ERC1: variants seen among roughly 807,000 people sequenced by gnomAD.
The protein encoded by ERC1 is ELKS/RAB6-interacting/CAST family member 1, also known as RAB6 interacting protein 2.
In ERC1, 56 loss-of-function variants were observed where a neutral mutation model predicts 132.0. That is an observed-to-expected ratio of 0.42 (90% CI 0.34 to 0.53). ERC1 has a LOEUF of 0.53. Ranked by LOEUF, ERC1 falls within the 20% of genes least tolerant of loss-of-function variation. The pLI, the probability that ERC1 is intolerant of heterozygous loss-of-function variation, is 0.03. For synonymous variants in ERC1, 478 were observed against 476.1 expected, an observed-to-expected ratio of 1.00 and a Z score of -0.05; for missense variants, 1,202 against 1,349.9, an observed-to-expected ratio of 0.89 and a Z score of 1.72.
At chr12:1,424,842 GATGA>G in intron 17 of ERC1, among the ~76,000 whole-genome samples, 1 of 73,904 alleles carries the variant, frequency 1.4e-5, no homozygotes, top group African/African-American at 5.7e-5. Flanking sequence ...TAGATAGATA[GATGA>G]TAGATAGATA....
chr12:1,350,500 A>G (rs2084903088), intron 15 of ERC1, among the ~76,000 whole-genome samples: 1 of 152,164 alleles, frequency 6.6e-6, no homozygotes, highest in African/African-American at 2.4e-5. Flanking sequence ...TTTATGCCAT[A>G]CCACAGTAGG....
intron 8 of ERC1, among the ~76,000 whole-genome samples, chr12:1,179,323 A>G (rs1954096747): frequency 6.6e-6 from 1 of 152,114 alleles, no homozygotes; most frequent in South Asian, 2.1e-4. Context: ...TATTTAAAGT[A>G]CAGAACTGGC....
Position 1,083,243 on chromosome 12 carries a change from G to A in ERC1, c.749G>A (p.Ser250Asn). The A allele has an allele frequency of 6.2e-7, 1 of 1,614,208 alleles. No individual in the cohort carries two copies. Among genetic ancestry groups the A allele is most frequent in the Non-Finnish European group, 8.5e-7 (1 of 1,180,020 alleles). ...RDLNQLFQQD[S>N]SSRTGEPCVA... ...CTGAATCAGCTGTTTCAGCAGGATA[G>A]TAGCAGCAGGACTGGCGAACCTTGT... The change falls in exon 3 of 19, where the codon AGT becomes AAT. Residue 250 changes from serine (S) to asparagine (N), a missense_variant. Transcript: ENST00000360905.
chr12:1,316,879 G>T (rs979589814), intron 15 of ERC1, among the ~76,000 whole-genome samples: 40 of 152,216 alleles, frequency 2.6e-4, no homozygotes, highest in Non-Finnish European at 5.4e-4. Context: ...GTGGCACGTG[G>T]CCAGGCATGG....
intron 1 of ERC1, among the ~76,000 whole-genome samples, chr12:1,027,020 C>G (rs999403974): frequency 6.6e-6 from 1 of 152,162 alleles, no homozygotes; most frequent in Non-Finnish European, 1.5e-5. Flanking sequence ...GTCTTCTCAT[C>G]CATGAACACA....
chr12:1,216,154 A>G (rs7972497), intron 12 of ERC1, among the ~76,000 whole-genome samples: 4,407 of 152,176 alleles, frequency 0.029, 217 homozygotes, highest in African/African-American at 0.1. Context: ...TCCTTTAATA[A>G]TGAAATCAGA....
chr12:1,155,568 C>T (rs1593789362), intron 8 of ERC1, among the ~76,000 whole-genome samples: 1 of 152,088 alleles, frequency 6.6e-6, no homozygotes, highest in African/African-American at 2.4e-5. Context: ...CTCCACCTCC[C>T]TGGGTTCACA....
rs189356617 is a variant in ERC1 at position 1,084,822 on chromosome 12, G to A, written c.1086+1242G>A. Reference sequence around the variant, plus strand: ...GCCTTCTGCCTTAGCCTCCCTAGTAGGTAGGTCTACAGGTGCATGCCACCA... The same window carrying A: ...GCCTTCTGCCTTAGCCTCCCTAGTAAGTAGGTCTACAGGTGCATGCCACCA... On this transcript the variant is annotated intron_variant, in intron 3 of 18. Coordinates refer to ENST00000360905, the MANE Select transcript of ERC1 (RefSeq NM_178040.4). 3.3e-5 allele frequency among the ~76,000 whole-genome samples: 5 copies of A among 151,970 alleles called. No individual in the cohort carries two copies. The East Asian group carries it at 9.7e-4, about 29-fold the overall frequency.
intron 14 of ERC1, among the ~76,000 whole-genome samples, chr12:1,271,195 T>C (rs186356504): frequency 6.6e-6 from 1 of 152,340 alleles, no homozygotes; most frequent in African/African-American, 2.4e-5. Context: ...TAAACTCTTT[T>C]AGGAGGTATA....
At chr12:1,461,528 CGTG>C (rs1316264363) in intron 18 of ERC1, among the ~76,000 whole-genome samples, 1 of 151,960 alleles carries the variant, frequency 6.6e-6, no homozygotes, top group Non-Finnish European at 1.5e-5. Flanking sequence ...ATTAACCTGG[CGTG>C]GTGGTGGGCA....
intron 3 of ERC1, among the ~76,000 whole-genome samples, chr12:1,101,466 C>T (rs911189702): frequency 6.6e-6 from 1 of 152,216 alleles, no homozygotes; most frequent in Non-Finnish European, 1.5e-5. Context: ...TAGCTGCTGC[C>T]TCTGCCACCC....
At chr12:1,156,290 G>A (rs1210096577) in intron 8 of ERC1, among the ~76,000 whole-genome samples, 2 of 151,864 alleles carry the variant, frequency 1.3e-5, no homozygotes, top group Non-Finnish European at 2.9e-5. Context: ...CCAGGCTGGA[G>A]TGCAGTGGTG....
At chr12:1,012,278 T>C (rs1432118164) in intron 1 of ERC1, among the ~76,000 whole-genome samples, 4 of 152,172 alleles carry the variant, frequency 2.6e-5, no homozygotes, top group Admixed American at 2.6e-4. Flanking sequence ...TGGGTTCCTA[T>C]AATTTTTCAC....
chr12:1,066,245 T>G (rs544529500), intron 2 of ERC1, among the ~76,000 whole-genome samples: 51 of 152,250 alleles, frequency 3.3e-4, no homozygotes, highest in Non-Finnish European at 6.9e-4. Context: ...GCTATGGCGA[T>G]TAATATAATT....
chr12:1,494,671 C>G lies in ERC1; in HGVS notation c.*4441C>G, dbSNP rs974395696. ...GGTTTTAGGGATTGATTTGGGGGAGCGGGTTTTTGTCCCATCCCACCTCCT... is the reference window on the plus strand; with the variant it reads ...GGTTTTAGGGATTGATTTGGGGGAGGGGGTTTTTGTCCCATCCCACCTCCT... On this transcript the variant is annotated 3_prime_UTR_variant, in exon 19 of 19. Coordinates refer to ENST00000360905, the MANE Select transcript of ERC1 (RefSeq NM_178040.4). The G allele has an allele frequency of 8.7e-6, 2 of 230,622 alleles. No individual in the cohort carries two copies. Among genetic ancestry groups the G allele is most frequent in the African/African-American group, 4.4e-5 (2 of 45,116 alleles). The allele number at this position is 230,622 out of a possible 1,614,324, so 14.3% of individuals were successfully genotyped here. A position where few individuals can be genotyped will look rare whatever the true frequency, so the allele number is the denominator to read the frequency against.
intron 13 of ERC1, among the ~76,000 whole-genome samples, chr12:1,238,523 A>G (rs1316842802): frequency 2.6e-5 from 4 of 152,170 alleles, no homozygotes; most frequent in Non-Finnish European, 4.4e-5. Context: ...ATTGCTCACA[A>G]ACTTGAATTG....
rs1164396841 is a variant in ERC1 at position 1,263,153 on chromosome 12, T to C, written c.2607T>C (p.Asn869=). ...VLAQEESART[N]AEKQVEELLM... is the part of the protein sequence containing the mutation. Reference sequence around the variant, plus strand: ...CACAAGAGGAATCAGCCAGGACCAATGCTGAAAAACAGGTCTGCTATTTTA... The same window carrying C: ...CACAAGAGGAATCAGCCAGGACCAACGCTGAAAAACAGGTCTGCTATTTTA... Residue 869 remains asparagine (N), a synonymous_variant, in exon 14 of 19, where the codon AAT becomes AAC. Transcript: ENST00000360905. The C allele has an allele frequency of 6.2e-7, 1 of 1,613,998 alleles. No homozygotes were observed. The highest frequency in any genetic ancestry group is 2.2e-5 in the East Asian group (1 of 44,878).
intron 3 of ERC1, among the ~76,000 whole-genome samples, chr12:1,103,744 C>T (rs766618307): frequency 6.6e-6 from 1 of 152,086 alleles, no homozygotes; most frequent in Non-Finnish European, 1.5e-5. Flanking sequence ...TGCCATGTTG[C>T]CCAGGCTGGT....
chr12:1,119,670 C>T (rs1056181496), intron 7 of ERC1, among the ~76,000 whole-genome samples: 2 of 151,926 alleles, frequency 1.3e-5, no homozygotes, highest in African/African-American at 4.8e-5. Context: ...CCTGCCACAG[C>T]CTCCCGAGTA....
Sources: gnomAD v4.1 joint callset for allele counts (sites outside exome capture counted in the v4.1 genomes callset) on GRCh38, gnomAD v4.1.1 for gene constraint, MANE v1.5 for transcripts, NCBI Gene and HGNC (gene_info 2026-07-23, HGNC 2026-07-21) for gene names.